Variants in DIP2C observed in about 807,000 individuals in gnomAD.
DIP2C encodes disco-interacting protein 2 homolog C.
Under a neutral mutation model 192.4 loss-of-function variants are expected in DIP2C, and 33 were observed. The observed-to-expected ratio is 0.17, with a 90% CI of 0.13 to 0.23. The LOEUF (loss-of-function observed/expected upper bound fraction) is 0.23, where lower values mean the gene tolerates loss of function less well. DIP2C is among the 10% of genes least tolerant of loss of function. The pLI, the probability that DIP2C is intolerant of heterozygous loss-of-function variation, is 1.00. For missense variants in DIP2C, 1,537 were observed against 2,110.1 expected (o/e 0.73, Z 5.32); for synonymous variants, 979 against 864.1 (o/e 1.13, Z -2.33).
chr10:531,492 C>A (rs1847368268), intron 1 of DIP2C, among the ~76,000 whole-genome samples: 1 of 152,048 alleles, frequency 6.6e-6, no homozygotes, highest in African/African-American at 2.4e-5. Flanking sequence ...GCTACAAATG[C>A]AAAGAATCGA....
chr10:660,369 T>C lies in DIP2C; in HGVS notation c.85+29125A>G, dbSNP rs191007583. ...TCCTAGCCCTTGTCCCTGTTTCAAG[T>C]TCTGTGTATGAAACGGAGATTCTAG... On this transcript the variant is annotated intron_variant, in intron 1 of 36. Coordinates refer to ENST00000280886, the MANE Select transcript of DIP2C (RefSeq NM_014974.3). Among the ~76,000 whole-genome samples the C allele has an allele frequency of 2.2e-3, 305 of 135,868 alleles. 3 individuals carry two copies. The highest frequency in any genetic ancestry group is 6.6e-3 in the African/African-American group (237 of 35,756). 89.1% of individuals were successfully genotyped at this position (135,868 alleles called of 152,430 possible).
chr10:347,334 C>T (rs1332227776), intron 26 of DIP2C, among the ~76,000 whole-genome samples: 1 of 118,928 alleles, frequency 8.4e-6, no homozygotes, highest in Non-Finnish European at 1.7e-5. Flanking sequence ...GTATAGTTCT[C>T]CCGGAAACGT....
At chr10:315,753 G>A (rs974611050) in intron 31 of DIP2C, among the ~76,000 whole-genome samples, 2 of 152,100 alleles carry the variant, frequency 1.3e-5, no homozygotes, top group African/African-American at 4.8e-5. Context: ...TCTTCAAATT[G>A]TTCTCTTGCC....
chr10:527,941 G>A (rs1210872003), intron 1 of DIP2C, among the ~76,000 whole-genome samples: 1 of 152,154 alleles, frequency 6.6e-6, no homozygotes, highest in Non-Finnish European at 1.5e-5. Flanking sequence ...CCAGCTCCAC[G>A]TAATTATGTA....
intron 32 of DIP2C, among the ~76,000 whole-genome samples, chr10:298,324 T>A (rs1955858056): frequency 6.6e-6 from 1 of 152,198 alleles, no homozygotes; most frequent in Non-Finnish European, 1.5e-5. Context: ...TAGACACGGA[T>A]CACAGGCATT....
chr10:600,399 G>T (rs1165512677), intron 1 of DIP2C, among the ~76,000 whole-genome samples: 1 of 144,966 alleles, frequency 6.9e-6, no homozygotes, highest in Non-Finnish European at 1.5e-5. Context: ...ACATGGAGGT[G>T]ACTGAGCAGC....
chr10:596,947 T>A (rs571939300), intron 1 of DIP2C, among the ~76,000 whole-genome samples: 1 of 152,220 alleles, frequency 6.6e-6, no homozygotes, highest in Admixed American at 6.5e-5. Context: ...CACGTGGCAT[T>A]GGTTTTGTGT....
chr10:680,394 G>A (rs1036808636), intron 1 of DIP2C, among the ~76,000 whole-genome samples: 10 of 152,186 alleles, frequency 6.6e-5, no homozygotes, highest in Non-Finnish European at 1.2e-4. Context: ...CTCGGCAGCT[G>A]CTCTTCAATG....
chr10:397,437 G>A (rs1964075173), intron 10 of DIP2C, among the ~76,000 whole-genome samples: 1 of 151,796 alleles, frequency 6.6e-6, no homozygotes, highest in African/African-American at 2.4e-5. Context: ...GGCTGAGGGA[G>A]GAGAATCGCT....
At chr10:292,603 G>A (rs957703054) in intron 32 of DIP2C, among the ~76,000 whole-genome samples, 6 of 152,212 alleles carry the variant, frequency 3.9e-5, no homozygotes, top group African/African-American at 1.2e-4. Context: ...CCCTGATGGC[G>A]CCGTGCAACC....
chr10:551,943 T>TC (rs1848614134), intron 1 of DIP2C, among the ~76,000 whole-genome samples: 1 of 152,310 alleles, frequency 6.6e-6, no homozygotes, highest in South Asian at 2.1e-4. Flanking sequence ...GCCAGCATCC[T>TC]CTGAGACGCT....
At chr10:592,585 T>C (rs904039931) in intron 1 of DIP2C, among the ~76,000 whole-genome samples, 2 of 152,166 alleles carry the variant, frequency 1.3e-5, no homozygotes, top group Non-Finnish European at 2.9e-5. Context: ...GGTGTCTGCT[T>C]AGAAAGGGTA....
chr10:593,632 A>T (rs988807000), intron 1 of DIP2C, among the ~76,000 whole-genome samples: 4 of 152,076 alleles, frequency 2.6e-5, no homozygotes, highest in African/African-American at 9.6e-5. Context: ...GAGACGGCAC[A>T]TATCCTAGCT....
intron 1 of DIP2C, among the ~76,000 whole-genome samples, chr10:521,935 A>G (rs1183229844): frequency 6.6e-6 from 1 of 150,588 alleles, no homozygotes; most frequent in Non-Finnish European, 1.5e-5. Context: ...TCAACACAGC[A>G]CCACCACCCA....
chr10:426,077 C>A (rs939301852), intron 4 of DIP2C, among the ~76,000 whole-genome samples: 1 of 152,098 alleles, frequency 6.6e-6, no homozygotes, highest in South Asian at 2.1e-4. Context: ...AATAAAAGTG[C>A]CTTTATTCAT....
chr10:569,782 G>A (rs1335577797), intron 1 of DIP2C, among the ~76,000 whole-genome samples: 1 of 152,146 alleles, frequency 6.6e-6, no homozygotes, highest in African/African-American at 2.4e-5. Context: ...CAGGGGTAGG[G>A]AGGAGAGAGG....
chr10:456,745 A>G (rs1489123271), intron 3 of DIP2C, among the ~76,000 whole-genome samples: 1 of 152,192 alleles, frequency 6.6e-6, no homozygotes, highest in Admixed American at 6.5e-5. Context: ...TCCACTACAT[A>G]GGGCCATCTG....
intron 2 of DIP2C, among the ~76,000 whole-genome samples, chr10:483,978 A>C (rs551872353): frequency 6.6e-6 from 1 of 152,092 alleles, no homozygotes; most frequent in South Asian, 2.1e-4. Context: ...CATCATGCCT[A>C]ATTTTTTCTT....
At chr10:387,172 C>A (rs1963022287) in intron 14 of DIP2C, among the ~76,000 whole-genome samples, 1 of 152,214 alleles carries the variant, frequency 6.6e-6, no homozygotes, top group African/African-American at 2.4e-5. Context: ...TACTGAATGC[C>A]AAAAGTGCGG....
Sources: allele counts gnomAD v4.1 joint callset (sites outside exome capture counted in the v4.1 genomes callset), GRCh38; gene constraint gnomAD v4.1.1; transcripts MANE v1.5; gene names NCBI Gene and HGNC (gene_info 2026-07-23, HGNC 2026-07-21).